Variants in PAH observed in about 807,000 individuals in gnomAD.
The protein encoded by PAH is phenylalanine hydroxylase, also known as phenylalanine-4-hydroxylase.
A neutral mutation model predicts 62.0 loss-of-function variants in PAH; 64 were observed. The ratio of observed to expected loss-of-function variants is 1.03; its 90% CI spans 0.84 to 1.27. The LOEUF is 1.27. Ranked by LOEUF, PAH falls within the 50% of genes most tolerant of loss-of-function variation. The pLI is 0.00. For synonymous variants in PAH, 195 were observed against 196.2 expected (o/e 0.99, Z 0.05); for missense variants, 579 against 542.8 (o/e 1.07, Z -0.66).
At chr12:102,845,951 T>G (rs1176231487) in intron 9 of PAH, among the ~76,000 whole-genome samples, 1 of 152,226 alleles carries the variant, frequency 6.6e-6, no homozygotes, top group Non-Finnish European at 1.5e-5. Context: ...AAGTTTATTT[T>G]CTTTGTAGAG....
intron 3 of PAH, among the ~76,000 whole-genome samples, chr12:102,894,483 A>G (rs996288051): frequency 2.0e-5 from 3 of 151,780 alleles, no homozygotes; most frequent in African/African-American, 7.2e-5. Context: ...AAAAATAACT[A>G]AAATTCACTA....
intron 8 of PAH, 100 bp downstream of exon 8, chr12:102,851,587 G>A (rs1222251980): frequency 8.6e-6 from 8 of 935,358 alleles, no homozygotes; most frequent in African/African-American, 8.1e-5. Flanking sequence ...CCTGGTTTCC[G>A]CTCTTGCAGA....
At chr12:102,897,582 A>G (rs915891424) in intron 2 of PAH, among the ~76,000 whole-genome samples, 1 of 151,912 alleles carries the variant, frequency 6.6e-6, no homozygotes. Flanking sequence ...TTGGAACATC[A>G]CAAGTATAAA....
rs559876823 is a variant in PAH at position 102,926,334 on chromosome 12, G to T, written c.-95-9109C>A. ...CAAAGAGCTAGGGGAAGGGATTTCT[G>T]GTAGAGGAAACATCTATACAAAATC... On this transcript the variant is annotated intron_variant, in intron 1 of 3. Coordinates refer to the PAH transcript ENST00000546844. Among the ~76,000 whole-genome samples the T allele has an allele frequency of 1.4e-4, 21 of 152,056 alleles. No individual in the cohort carries two copies. The South Asian group carries it at 3.1e-3, about 23-fold the overall frequency.
intron 8 of PAH, among the ~76,000 whole-genome samples, chr12:102,848,328 AGGGT>A (rs1169522233): frequency 3.4e-5 from 3 of 88,878 alleles, no homozygotes; most frequent in African/African-American, 2.3e-4. Flanking sequence ...GGAGAGGTGG[AGGGT>A]AGACAGGATA....
At chr12:102,868,039 C>CGT (rs1876087329) in intron 4 of PAH, among the ~76,000 whole-genome samples, 2 of 113,654 alleles carry the variant, frequency 1.8e-5, no homozygotes, top group Non-Finnish European at 3.6e-5. Flanking sequence ...TGTATATACA[C>CGT]CTATATATAT....
intron 1 of PAH, among the ~76,000 whole-genome samples, chr12:102,934,843 G>A (rs1173813552): frequency 2.6e-5 from 4 of 152,064 alleles, no homozygotes; most frequent in Non-Finnish European, 5.9e-5. Context: ...CCAAATATAA[G>A]ATCATGTCAT....
chr12:102,866,484 A>T lies in PAH; in HGVS notation c.509+112T>A, dbSNP rs1196229267. On this transcript the variant is annotated intron_variant, in intron 5 of 12. Coordinates refer to ENST00000553106, the MANE Select transcript of PAH (RefSeq NM_000277.3). ...GCACATGAACACATGCACACACAGA[A>T]GGCAGGACTCTTCATGCTGGTATTT... 9 of 829,254 alleles carry T rather than the reference A, an allele frequency of 1.1e-5. No individual in the cohort carries two copies. The African/African-American group carries it at 1.5e-4, about 14-fold the overall frequency. The allele number at this position is 829,254 out of a possible 1,614,324, so 51.4% of individuals were successfully genotyped here.
At position 102,837,212 on chromosome 12, in the gene PAH, A is replaced by G. The variant is rs1480576874; in HGVS notation, c.*1963T>C. The stretch of plus-strand genomic sequence containing the variant: ...GATAAAAAAGAGCTAAGAACTGAGT[A>G]GCACATTACCAAAAATACAAATATT... On this transcript the variant is annotated 3_prime_UTR_variant, in exon 13 of 13. Coordinates refer to ENST00000553106, the MANE Select transcript of PAH (RefSeq NM_000277.3). 1 of 152,228 alleles carries G rather than the reference A, an allele frequency of 6.6e-6. No individual in the cohort carries two copies. The highest frequency in any genetic ancestry group is 2.4e-5 in the African/African-American group (1 of 41,468). The allele number at this position is 152,228 out of a possible 1,614,324, so 9.4% of individuals were successfully genotyped here.
chr12:102,845,750 G>T (rs1356746432), intron 9 of PAH, among the ~76,000 whole-genome samples: 1 of 152,148 alleles, frequency 6.6e-6, no homozygotes, highest in Non-Finnish European at 1.5e-5. Context: ...TACAGGTGAG[G>T]AGTCTTCAGC....
upstream of PAH, among the ~76,000 whole-genome samples, chr12:102,919,568 TA>T (rs1878504344): frequency 6.6e-6 from 1 of 152,174 alleles, no homozygotes; most frequent in African/African-American, 2.4e-5. Flanking sequence ...TTGTACCTAT[TA>T]ACCATCTCCA....
At chr12:102,839,456 T>A (rs892570931) in intron 12 of PAH, among the ~76,000 whole-genome samples, 1 of 152,238 alleles carries the variant, frequency 6.6e-6, no homozygotes, top group Admixed American at 6.5e-5. Context: ...AGGGAAGGAC[T>A]TAACAGGTCT....
chr12:102,882,905 A>C (rs2136686394), intron 3 of PAH, among the ~76,000 whole-genome samples: 1 of 152,150 alleles, frequency 6.6e-6, no homozygotes, highest in African/African-American at 2.4e-5. Context: ...AGTGGCCCAT[A>C]ATATGTGTTT....
Position 102,904,834 on chromosome 12 carries a change from C to G in PAH, c.168+7957G>C, listed in dbSNP as rs190387219. 589 of 387,858 alleles carry G rather than the reference C, an allele frequency of 1.5e-3. 5 individuals carry two copies. The highest frequency in any genetic ancestry group is 0.01 in the African/African-American group (498 of 47,656). The allele number at this position is 387,858 out of a possible 1,614,324, so 24.0% of individuals were successfully genotyped here. ...GAGTAGACTATGCACACCACAGTCC[C>G]CCTGCTCTACCAAGCTACTTTTCTT... On this transcript the variant is annotated intron_variant, in intron 2 of 12. Transcript: ENST00000553106.
At position 102,890,154 on chromosome 12, in the gene PAH, A is replaced by G. The variant is rs538990145; in HGVS notation, c.352+4581T>C. Among the ~76,000 whole-genome samples, 78 of 152,362 alleles carry G rather than the reference A, an allele frequency of 5.1e-4. No homozygotes were observed. In the South Asian group the frequency reaches 0.014, roughly 28 times the overall value. ...GAAAAACTTTTATTTTCTATCACCCACATGGCTTTTTGAATGGTTTAAAAA... is the reference window on the plus strand; with the variant it reads ...GAAAAACTTTTATTTTCTATCACCCGCATGGCTTTTTGAATGGTTTAAAAA... On this transcript the variant is annotated intron_variant, in intron 3 of 12. Coordinates refer to ENST00000553106, the MANE Select transcript of PAH (RefSeq NM_000277.3).
chr12:102,943,117 A>T (rs777675213), intron 1 of PAH, among the ~76,000 whole-genome samples: 2 of 152,174 alleles, frequency 1.3e-5, no homozygotes, highest in African/African-American at 2.4e-5. Context: ...AAAATAAAGT[A>T]TCAATAGAGA....
At chr12:102,842,823 C>T (rs1231274267) in intron 11 of PAH, among the ~76,000 whole-genome samples, 2 of 152,122 alleles carry the variant, frequency 1.3e-5, no homozygotes, top group East Asian at 1.9e-4. Context: ...GCTAACATAC[C>T]CAGTGTCATA....
At chr12:102,891,090 A>G (rs952429929) in intron 3 of PAH, among the ~76,000 whole-genome samples, 3 of 152,352 alleles carry the variant, frequency 2.0e-5, no homozygotes, top group Non-Finnish European at 4.4e-5. Flanking sequence ...TCTCAAAAAA[A>G]GGAAAACATT....
At chr12:102,841,898 C>T (rs1874611602) in intron 11 of PAH, among the ~76,000 whole-genome samples, 1 of 152,220 alleles carries the variant, frequency 6.6e-6, no homozygotes, top group Non-Finnish European at 1.5e-5. Flanking sequence ...ACATCTCTGC[C>T]TACAACTTGA....
Sources: gnomAD v4.1 joint callset for allele counts (sites outside exome capture counted in the v4.1 genomes callset) on GRCh38, gnomAD v4.1.1 for gene constraint, MANE v1.5 for transcripts, NCBI Gene and HGNC (gene_info 2026-07-23, HGNC 2026-07-21) for gene names.